Variants in PHF8 observed in about 807,000 individuals in gnomAD.
PHF8 encodes the protein PHD finger protein 8, also known as histone lysine demethylase PHF8.
A neutral mutation model predicts 74.4 loss-of-function variants in PHF8; 9 were observed. That is an observed-to-expected ratio of 0.12 (90% confidence interval 0.07 to 0.21). The LOEUF (loss-of-function observed/expected upper bound fraction) is 0.21, where lower values mean the gene tolerates loss of function less well. Among genes scored for constraint, PHF8 ranks in the 10% least tolerant of loss-of-function variants. The pLI, the probability that PHF8 is intolerant of heterozygous loss-of-function variation, is 1.00. For synonymous variants in PHF8, 311 were observed against 316.6 expected, an observed-to-expected ratio of 0.98 and a Z score of 0.19; for missense variants, 478 against 816.6, an observed-to-expected ratio of 0.59 and a Z score of 5.05.
Position 54,016,690 on chromosome X carries a change from G to A in PHF8, c.501C>T (p.Asp167=). 1 of 1,201,181 alleles carries A rather than the reference G, an allele frequency of 8.3e-7. No individual in the cohort carries two copies. The highest frequency in any genetic ancestry group is 1.1e-6 in the Non-Finnish European group (1 of 886,289). ...CAAAATCACCAAGCTTCATCTTGCAGTCAGCCTGGCGGGTCACATCAATCA... is the reference window on the plus strand; with the variant it reads ...CAAAATCACCAAGCTTCATCTTGCAATCAGCCTGGCGGGTCACATCAATCA... The part of the protein sequence containing the change: ...IDVIDVTRQA[D]CKMKLGDFVK... Residue 167 remains aspartate (D), a synonymous_variant, in exon 6 of 22, where the codon GAC becomes GAT. Transcript: ENST00000338154.
intron 19 of PHF8, among the ~76,000 whole-genome samples, chrX:53,953,022 C>T (rs1388041296): frequency 9.0e-6 from 1 of 110,546 alleles, no homozygotes; most frequent in Non-Finnish European, 1.9e-5. Context: ...CGCCTGTAAT[C>T]TCAGCACTTT....
chrX:53,962,517 T>C (rs781945653), intron 19 of PHF8, among the ~76,000 whole-genome samples: 1 of 111,366 alleles, frequency 9.0e-6, no homozygotes, highest in Non-Finnish European at 1.9e-5. Flanking sequence ...ACTGGGATGA[T>C]GGTATCAGAA....
chrX:54,005,448 G>A (rs1259072552), intron 8 of PHF8, among the ~76,000 whole-genome samples: 8 of 98,616 alleles, frequency 8.1e-5, no homozygotes, highest in Admixed American at 2.2e-4. Flanking sequence ...AAAAAAAAAA[G>A]AAAGAAAGAA....
intron 19 of PHF8, among the ~76,000 whole-genome samples, chrX:53,953,236 T>C (rs1199556734): frequency 2.0e-5 from 2 of 100,810 alleles, no homozygotes; most frequent in Admixed American, 1.1e-4. Flanking sequence ...ATTGTGCCAC[T>C]GCACTCCAGC....
chrX:54,015,998 T>C (rs2066061697), intron 6 of PHF8, among the ~76,000 whole-genome samples: 1 of 111,232 alleles, frequency 9.0e-6, no homozygotes. Context: ...CACTGTTGTA[T>C]ATAGGAGGAA....
At chrX:53,986,072 T>A in intron 16 of PHF8, 123 bp from the exon 17 acceptor site, 1 of 639,323 alleles carries the variant, frequency 1.6e-6, no homozygotes, top group Non-Finnish European at 2.6e-6. Flanking sequence ...GACCAAGTAC[T>A]AAGCAGAATA....
intron 2 of PHF8, among the ~76,000 whole-genome samples, chrX:54,038,096 T>C (rs2066492634): frequency 8.9e-6 from 1 of 111,888 alleles, no homozygotes; most frequent in African/African-American, 3.3e-5. Flanking sequence ...GCTTGCCAAC[T>C]AGTTTTCTCC....
chrX:54,014,323 ACGTACAGGGAG>A, intron 7 of PHF8, 43 bp downstream of exon 7: 1 of 792,364 alleles, frequency 1.3e-6, no homozygotes, highest in South Asian at 2.1e-5. Flanking sequence ...GCCATGTGAC[ACGTACAGGGAG>A]GCCCAAGGCC....
Position 53,938,356 on chromosome X carries a change from T to C in PHF8, c.*802A>G, listed in dbSNP as rs782001075. On this transcript the variant is annotated 3_prime_UTR_variant, in exon 22 of 22. Coordinates refer to ENST00000338154, the MANE Select transcript of PHF8 (RefSeq NM_015107.3). ...ACAGCCACGTGGATAATGTTCTACA[T>C]GATTTCAAAATCCAGGCAAATCCCT... 1 of 930,155 alleles carries C rather than the reference T, an allele frequency of 1.1e-6. No homozygotes were observed. Among genetic ancestry groups the C allele is most frequent in the Non-Finnish European group, 1.3e-6 (1 of 747,651 alleles). The allele number at this position is 930,155 out of a possible 1,213,427, so 76.7% of individuals were successfully genotyped here. A position where few individuals can be genotyped will look rare whatever the true frequency, so the allele number is the denominator to read the frequency against.
At chrX:54,022,401 G>C (rs781937614) in intron 3 of PHF8, 34 bp from the exon 4 acceptor site, 1 of 911,785 alleles carries the variant, frequency 1.1e-6, no homozygotes, top group African/African-American at 1.9e-5. Flanking sequence ...TTGTGAGTCA[G>C]AACGGTCATG....
chrX:53,971,426 A>G (rs1557094507), intron 18 of PHF8, among the ~76,000 whole-genome samples: 1 of 111,727 alleles, frequency 9.0e-6, no homozygotes, highest in Non-Finnish European at 1.9e-5. Flanking sequence ...TAGAGAACCA[A>G]GAGCAAACAA....
At chrX:54,015,329 C>A (rs1362616843) in intron 6 of PHF8, among the ~76,000 whole-genome samples, 2 of 110,868 alleles carry the variant, frequency 1.8e-5, no homozygotes, top group East Asian at 2.8e-4. Context: ...GTAATCCCAG[C>A]GCTTTGGGAG....
At chrX:54,035,132 G>T (rs2066429964) in intron 2 of PHF8, among the ~76,000 whole-genome samples, 1 of 111,293 alleles carries the variant, frequency 9.0e-6, no homozygotes, top group African/African-American at 3.3e-5. Context: ...GCTGAGGCGG[G>T]CAGATCATGA....
intron 4 of PHF8, among the ~76,000 whole-genome samples, chrX:54,018,793 T>C (rs1557108943): frequency 9.0e-6 from 1 of 110,715 alleles, no homozygotes; most frequent in Non-Finnish European, 1.9e-5. Flanking sequence ...GCTAATTTTG[T>C]ATTTTTAGTA....
rs1191185370 is a variant in PHF8, at chrX:53,937,985, G to A, written c.*1173C>T. 1.1e-5 allele frequency: 13 copies of A among 1,158,708 alleles called. No homozygotes were observed. The highest frequency in any genetic ancestry group is 3.3e-5 in the East Asian group (1 of 30,554). The stretch of plus-strand genomic sequence containing the variant: ...TCGGATGGATGGTCTGCTCCTTCAC[G>A]GATGGGCGTCTCTTCTCTTCAACTT... On this transcript the variant is annotated 3_prime_UTR_variant, in exon 22 of 22. Transcript: ENST00000338154.
At chrX:54,010,978 T>C in intron 8 of PHF8, 144 bp downstream of exon 8, 1 of 541,799 alleles carries the variant, frequency 1.8e-6, no homozygotes, top group South Asian at 2.7e-5. Flanking sequence ...GACTACCACA[T>C]GAAATTTCTT....
In PHF8 at chrX:53,944,989, T is replaced by A. The variant is rs962340368; in HGVS notation, c.2540-746A>T. 5.7e-5 allele frequency among the ~76,000 whole-genome samples: 6 copies of A among 105,801 alleles called. No homozygotes were observed. The East Asian group carries it at 9.2e-4, about 16-fold the overall frequency. The allele number at this position is 105,801 out of a possible 115,157, so 91.9% of individuals were successfully genotyped here. A position where few individuals can be genotyped will look rare whatever the true frequency, so the allele number is the denominator to read the frequency against. The stretch of plus-strand genomic sequence containing the variant: ...GTGAGCAGAGATTGCATCACTGCAC[T>A]CCAGCCTCAGCGACACAGTGAAACT... On this transcript the variant is annotated intron_variant, in intron 19 of 21. Transcript: ENST00000338154.
intron 7 of PHF8, among the ~76,000 whole-genome samples, chrX:54,012,197 AG>A (rs782194810): frequency 6.3e-5 from 7 of 111,433 alleles, no homozygotes; most frequent in South Asian, 3.7e-4. Context: ...CAAATGTCTC[AG>A]GAAAAAAATA....
In PHF8 at chrX:53,938,739, G is replaced by C; in HGVS notation, c.*419C>G. On this transcript the variant is annotated 3_prime_UTR_variant, in exon 22 of 22. Transcript: ENST00000338154. ...ATGGGTGGAGGTGGGCAGGCTTCTG[G>C]ATATAGGGCTAGAGTTGCAGAAAGT... 1 of 765,646 alleles carries C rather than the reference G, an allele frequency of 1.3e-6. No individual in the cohort carries two copies. Among genetic ancestry groups the C allele is most frequent in the Non-Finnish European group, 1.5e-6 (1 of 647,120 alleles). 63.1% of individuals were successfully genotyped at this position (765,646 alleles called of 1,213,427 possible).
Sources: allele counts gnomAD v4.1 joint callset (sites outside exome capture counted in the v4.1 genomes callset), GRCh38; gene constraint gnomAD v4.1.1; transcripts MANE v1.5; gene names NCBI Gene and HGNC (gene_info 2026-07-23, HGNC 2026-07-21).